The following ARHGAP29 variants were observed in gnomAD, a reference collection of about 807,000 sequenced individuals.
ARHGAP29 encodes Rho GTPase activating protein 29, also known as rho GTPase-activating protein 29.
A neutral mutation model predicts 122.6 loss-of-function variants in ARHGAP29; 43 were observed. That is an observed-to-expected ratio of 0.35 (90% CI 0.27 to 0.45). ARHGAP29 has a LOEUF of 0.45. ARHGAP29 is among the 20% of genes least tolerant of loss of function. The pLI is 1.00. For missense variants in ARHGAP29, 1,303 were observed against 1,477.2 expected, an observed-to-expected ratio of 0.88 and a Z score of 1.93; for synonymous variants, 506 against 497.1, an observed-to-expected ratio of 1.02 and a Z score of -0.24.
At chr1:94,202,798 T>C (rs1650933231) in intron 10 of ARHGAP29, 66 bp from the exon 11 acceptor site, 7 of 1,566,858 alleles carry the variant, frequency 4.5e-6, no homozygotes, top group African/African-American at 1.4e-5. Flanking sequence ...GTCTTTAGCA[T>C]ATTCAGCAAG....
intron 6 of ARHGAP29, 30 bp downstream of exon 6, chr1:94,205,605 G>A (rs1165124642): frequency 6.3e-7 from 1 of 1,595,134 alleles, no homozygotes; most frequent in African/African-American, 1.3e-5. Context: ...CAAGAAGTTT[G>A]TGAAAAGTTA....
chr1:94,313,368 TG>T, the ARHGAP29 span, among the ~76,000 whole-genome samples: 1 of 152,218 alleles, frequency 6.6e-6, no homozygotes, highest in East Asian at 1.9e-4. Context: ...ACCCCTGCTT[TG>T]TTTTTCTTCA....
intron 12 of ARHGAP29, chr1:94,190,772 A>C (rs577262224): frequency 6.6e-6 from 1 of 152,202 alleles, no homozygotes; most frequent in Non-Finnish European, 1.5e-5. Context: ...TGAGATACTG[A>C]CCCTCCTGGA....
chr1:94,307,693 T>C, the ARHGAP29 span, among the ~76,000 whole-genome samples: 1 of 152,206 alleles, frequency 6.6e-6, no homozygotes, highest in Non-Finnish European at 1.5e-5. Context: ...GATAGGATAT[T>C]TAACAAATGG....
Position 94,237,528 on chromosome 1 carries a change from G to A in ARHGAP29, c.-146C>T. On this transcript the variant is annotated 5_prime_UTR_variant, in exon 1 of 23. Transcript: ENST00000260526. Reference sequence around the variant, plus strand: ...CATCCCCCACGGCCTGCGGACGCCCGGCCAAATCTCAGCCGCAGCCGCAGC... The same window carrying A: ...CATCCCCCACGGCCTGCGGACGCCCAGCCAAATCTCAGCCGCAGCCGCAGC... 2 of 990,524 alleles carry A rather than the reference G, an allele frequency of 2.0e-6. No homozygotes were observed. The highest frequency in any genetic ancestry group is 2.4e-6 in the Non-Finnish European group (2 of 833,644). The allele number at this position is 990,524 out of a possible 1,614,324, so 61.4% of individuals were successfully genotyped here.
intron 1 of ARHGAP29, among the ~76,000 whole-genome samples, chr1:94,253,389 T>G (rs1654185120): frequency 6.6e-6 from 1 of 152,172 alleles, no homozygotes; most frequent in African/African-American, 2.4e-5. Flanking sequence ...TTTTAAAATC[T>G]CTGTAAATCT....
intron 4 of ARHGAP29, 79 bp from the exon 5 acceptor site, chr1:94,208,983 A>G (rs2101539444): frequency 3.8e-6 from 5 of 1,332,818 alleles, no homozygotes; most frequent in Non-Finnish European, 3.1e-6. Context: ...ATGTTATCTA[A>G]AATAATTTTT....
At chr1:94,236,676 C>T (rs532775920) in intron 1 of ARHGAP29, among the ~76,000 whole-genome samples, 2 of 152,158 alleles carry the variant, frequency 1.3e-5, no homozygotes, top group South Asian at 2.1e-4. Flanking sequence ...CACCCGCCCC[C>T]CAAAAAATTT....
chr1:94,181,142 G>A (rs899972787), intron 19 of ARHGAP29, among the ~76,000 whole-genome samples: 2 of 152,182 alleles, frequency 1.3e-5, no homozygotes, highest in African/African-American at 4.8e-5. Flanking sequence ...AAGAGCAAAT[G>A]AACAAGTACT....
At chr1:94,299,195 T>A in the ARHGAP29 span, among the ~76,000 whole-genome samples, 2 of 152,360 alleles carry the variant, frequency 1.3e-5, no homozygotes, top group Admixed American at 6.5e-5. Flanking sequence ...ACCACTGTTT[T>A]GATCAGTATG....
chr1:94,173,810 C>T lies in ARHGAP29; in HGVS notation c.*59G>A. ...CCTGTCAAAACATTCTTTCACAAAACAAGCACAATACCACAAAATAACACA... is the reference window on the plus strand; with the variant it reads ...CCTGTCAAAACATTCTTTCACAAAATAAGCACAATACCACAAAATAACACA... On this transcript the variant is annotated 3_prime_UTR_variant, in exon 23 of 23. Coordinates refer to ENST00000260526, the MANE Select transcript of ARHGAP29 (RefSeq NM_004815.4). 1.3e-6 allele frequency: 2 copies of T among 1,522,212 alleles called. No homozygotes were observed. The highest frequency in any genetic ancestry group is 2.3e-5 in the East Asian group (1 of 44,086). The allele number at this position is 1,522,212 out of a possible 1,614,324, so 94.3% of individuals were successfully genotyped here.
At chr1:94,275,206 C>T (rs1468156063), upstream of ARHGAP29, 2 of 152,162 alleles carry the variant, frequency 1.3e-5, no homozygotes, top group Non-Finnish European at 2.9e-5. Flanking sequence ...GTGCATGAAC[C>T]ATGTTTGGAA....
chr1:94,274,256 C>A (rs542704792), intron 1 of ARHGAP29, among the ~76,000 whole-genome samples: 1 of 152,278 alleles, frequency 6.6e-6, no homozygotes, highest in East Asian at 1.9e-4. Flanking sequence ...ATCGTGAAAG[C>A]AGCCATCAAT....
chr1:94,231,846 C>A (rs1652937245), intron 1 of ARHGAP29, among the ~76,000 whole-genome samples: 1 of 152,002 alleles, frequency 6.6e-6, no homozygotes, highest in East Asian at 1.9e-4. Flanking sequence ...TTATTAAATA[C>A]CAGTAATTCC....
the ARHGAP29 span, among the ~76,000 whole-genome samples, chr1:94,300,276 G>A: frequency 6.6e-6 from 1 of 152,296 alleles, no homozygotes; most frequent in Admixed American, 6.5e-5. Flanking sequence ...AGAGGTGACT[G>A]GGCAACAGGC....
At chr1:94,292,661 T>C in the ARHGAP29 span, among the ~76,000 whole-genome samples, 5 of 152,214 alleles carry the variant, frequency 3.3e-5, no homozygotes, top group Admixed American at 6.5e-5. Context: ...TTTTTGTTGA[T>C]GTTGATGCTG....
upstream of ARHGAP29, among the ~76,000 whole-genome samples, chr1:94,275,247 A>G (rs1655141377): frequency 6.6e-6 from 1 of 152,212 alleles, no homozygotes; most frequent in Non-Finnish European, 1.5e-5. Flanking sequence ...CTAAAGATGC[A>G]TTTAGCCTTT....
At chr1:94,217,805 T>C (rs1418697895) in intron 3 of ARHGAP29, among the ~76,000 whole-genome samples, 1 of 151,886 alleles carries the variant, frequency 6.6e-6, no homozygotes, top group African/African-American at 2.4e-5. Context: ...GCTATGAACA[T>C]GCTACTGCAC....
the ARHGAP29 span, among the ~76,000 whole-genome samples, chr1:94,280,579 T>A: frequency 1.3e-5 from 2 of 151,572 alleles, no homozygotes; most frequent in Admixed American, 1.3e-4. Flanking sequence ...AGGAGAAGAG[T>A]GATCCTGGCA....
Sources: gnomAD v4.1 joint callset for allele counts (sites outside exome capture counted in the v4.1 genomes callset) on GRCh38, gnomAD v4.1.1 for gene constraint, MANE v1.5 for transcripts, NCBI Gene and HGNC (gene_info 2026-07-23, HGNC 2026-07-21) for gene names.